Variants in KIAA1549 observed in about 807,000 individuals in gnomAD.
KIAA1549 encodes the protein UPF0606 protein KIAA1549.
In KIAA1549, 70 loss-of-function variants were observed where a neutral mutation model predicts 156.4. That is an observed-to-expected ratio of 0.45 (90% CI 0.37 to 0.55). KIAA1549 has a LOEUF of 0.55. Among genes scored for constraint, KIAA1549 ranks in the 20% least tolerant of loss-of-function variants. KIAA1549 has a pLI of 0.00. For synonymous variants in KIAA1549, 1,103 were observed against 1,066.4 expected, an observed-to-expected ratio of 1.03 and a Z score of -0.67; for missense variants, 2,428 against 2,540.9, an observed-to-expected ratio of 0.96 and a Z score of 0.96.
At chr7:138,902,692 C>CCAG (rs1811875401) in intron 8 of KIAA1549, among the ~76,000 whole-genome samples, 1 of 152,054 alleles carries the variant, frequency 6.6e-6, no homozygotes, top group African/African-American at 2.4e-5. Flanking sequence ...ACCTGTAGTA[C>CCAG]CAGCTACTCA....
At chr7:138,906,764 G>A (rs147172651) in intron 6 of KIAA1549, among the ~76,000 whole-genome samples, 155 bp downstream of exon 6, 86 of 152,096 alleles carry the variant, frequency 5.7e-4, no homozygotes, top group South Asian at 3.5e-3. Context: ...TAACTTACTC[G>A]TGCAACCAAA....
intron 15 of KIAA1549, among the ~76,000 whole-genome samples, chr7:138,864,021 G>A (rs976636149): frequency 3.3e-5 from 5 of 152,108 alleles, no homozygotes; most frequent in Non-Finnish European, 5.9e-5. Flanking sequence ...AAGCCTGGTC[G>A]GCAGTGTACC....
intron 7 of KIAA1549, among the ~76,000 whole-genome samples, chr7:138,904,812 T>C (rs747525640): frequency 5.3e-5 from 8 of 152,168 alleles, no homozygotes; most frequent in Non-Finnish European, 8.8e-5. Flanking sequence ...ATGTATGAAT[T>C]TTAAAGAAAG....
rs182536042 is a variant in KIAA1549 at position 138,892,740 on chromosome 7, A to G, written c.4032+1602T>C. Among the ~76,000 whole-genome samples, 24 of 152,352 alleles carry G rather than the reference A, an allele frequency of 1.6e-4. No individual in the cohort carries two copies. In the East Asian group the frequency reaches 3.9e-3, roughly 24 times the overall value. ...TCTTTGCTTTTACAAAAGTAAAATA[A>G]ATTTTAAAGTAATGCATATTTTTTT... On this transcript the variant is annotated intron_variant, in intron 10 of 19. Coordinates refer to ENST00000422774, the MANE Select transcript of KIAA1549 (RefSeq NM_001164665.2).
At chr7:138,946,750 G>A (rs1813349103) in intron 1 of KIAA1549, among the ~76,000 whole-genome samples, 1 of 152,210 alleles carries the variant, frequency 6.6e-6, no homozygotes, top group African/African-American at 2.4e-5. Context: ...CTGGACTCCA[G>A]CCTGAGCAAT....
intron 4 of KIAA1549, among the ~76,000 whole-genome samples, chr7:138,910,872 TA>T (rs995370565): frequency 3.4e-5 from 5 of 148,410 alleles, no homozygotes; most frequent in African/African-American, 5.0e-5. Flanking sequence ...AAAAAAAAAT[TA>T]AAAAAAAAAT....
At chr7:138,977,321 C>A (rs1264983524) in intron 1 of KIAA1549, among the ~76,000 whole-genome samples, 1 of 152,006 alleles carries the variant, frequency 6.6e-6, no homozygotes, top group Non-Finnish European at 1.5e-5. Flanking sequence ...TCACAGAATA[C>A]AAATACAAAA....
At chr7:138,926,923 A>G (rs1445148376) in intron 1 of KIAA1549, among the ~76,000 whole-genome samples, 1 of 151,788 alleles carries the variant, frequency 6.6e-6, no homozygotes, top group African/African-American at 2.4e-5. Flanking sequence ...ACCCTTCCCA[A>G]CTCCCTTCCT....
chr7:138,915,890 C>T (rs1164327830), intron 2 of KIAA1549, among the ~76,000 whole-genome samples: 1 of 152,192 alleles, frequency 6.6e-6, no homozygotes, highest in Non-Finnish European at 1.5e-5. Context: ...GCCACCGTCG[C>T]GGGACATGAC....
At chr7:138,846,018 C>A (rs1810062898) in intron 17 of KIAA1549, among the ~76,000 whole-genome samples, 1 of 152,154 alleles carries the variant, frequency 6.6e-6, no homozygotes, top group Admixed American at 6.5e-5. Context: ...ATTCCATATT[C>A]CACAGAAATG....
At chr7:138,940,429 G>A (rs1240807871) in intron 1 of KIAA1549, among the ~76,000 whole-genome samples, 2 of 149,666 alleles carry the variant, frequency 1.3e-5, no homozygotes, top group Non-Finnish European at 1.5e-5. Context: ...GGACATTTGG[G>A]TTGGTTCCAA....
intron 1 of KIAA1549, among the ~76,000 whole-genome samples, chr7:138,963,521 T>C (rs989909279): frequency 6.6e-6 from 1 of 152,184 alleles, no homozygotes; most frequent in Non-Finnish European, 1.5e-5. Flanking sequence ...AATAGAACAG[T>C]TGCAGGTTCA....
chr7:138,899,327 T>C (rs1332453874), intron 8 of KIAA1549, among the ~76,000 whole-genome samples, 195 bp from the exon 9 acceptor site: 2 of 152,102 alleles, frequency 1.3e-5, no homozygotes, highest in African/African-American at 4.8e-5. Flanking sequence ...AGTTCCTTTG[T>C]GTGGAGTAAC....
At chr7:138,945,429 AGCAT>A (rs1563088686) in intron 1 of KIAA1549, among the ~76,000 whole-genome samples, 1 of 152,248 alleles carries the variant, frequency 6.6e-6, no homozygotes, top group African/African-American at 2.4e-5. Flanking sequence ...CTGGGTTGTT[AGCAT>A]CTGCTGTGTT....
At chr7:138,911,107 C>A (rs893744404) in intron 4 of KIAA1549, 39 bp downstream of exon 4, 20 of 1,316,126 alleles carry the variant, frequency 1.5e-5, no homozygotes, top group Non-Finnish European at 2.0e-5. Flanking sequence ...AAATGAAATT[C>A]TTTTTACAAA....
Position 138,870,722 on chromosome 7 carries a change from G to C in KIAA1549, c.4551+435C>G, listed in dbSNP as rs945561979. 8.5e-5 allele frequency among the ~76,000 whole-genome samples: 13 copies of C among 152,232 alleles called. No homozygotes were observed. The East Asian group carries it at 2.1e-3, about 25-fold the overall frequency. Reference sequence around the variant, plus strand: ...CAACAAGCGTGATGTTTTACATTAAGAATCCTTGTCAGCAGCTTATGCCTT... The same window carrying C: ...CAACAAGCGTGATGTTTTACATTAACAATCCTTGTCAGCAGCTTATGCCTT... On this transcript the variant is annotated intron_variant, in intron 13 of 19. Transcript: ENST00000422774.
chr7:138,903,834 TGTGTGTGTGTGTGTGTGTGC>T lies in KIAA1549; in HGVS notation c.3521-118_3521-99del, dbSNP rs1286260561. On this transcript the variant is annotated intron_variant, in intron 7 of 19. Transcript: ENST00000422774. ...GTGTGTGTGTGTGTGTGTGTGTGTGTGTGTGTGTGTGTGTGTGTGCGCGCGCGCGCGCGCGCACATATGTA... is the reference window on the plus strand; with the variant it reads ...GTGTGTGTGTGTGTGTGTGTGTGTGTGCGCGCGCGCGCGCGCACATATGTA... The T allele has an allele frequency of 3.1e-3, 1,462 of 470,418 alleles. 18 individuals carry two copies. Among genetic ancestry groups the T allele is most frequent in the African/African-American group, 0.024 (360 of 14,870 alleles). 29.1% of individuals were successfully genotyped at this position (470,418 alleles called of 1,614,324 possible).
chr7:138,907,928 C>A (rs1395086297), intron 5 of KIAA1549, among the ~76,000 whole-genome samples: 1 of 152,200 alleles, frequency 6.6e-6, no homozygotes, highest in Non-Finnish European at 1.5e-5. Flanking sequence ...GGAAGAACCT[C>A]TTTATCTAGA....
At chr7:138,944,769 T>C (rs757440029) in intron 1 of KIAA1549, among the ~76,000 whole-genome samples, 2 of 152,184 alleles carry the variant, frequency 1.3e-5, no homozygotes, top group Non-Finnish European at 2.9e-5. Flanking sequence ...GAAAACATTA[T>C]GCTAACTGAA....
Sources: gnomAD v4.1 joint callset for allele counts (sites outside exome capture counted in the v4.1 genomes callset) on GRCh38, gnomAD v4.1.1 for gene constraint, MANE v1.5 for transcripts, NCBI Gene and HGNC (gene_info 2026-07-23, HGNC 2026-07-21) for gene names.